The following RBSN variants were observed in gnomAD, a reference collection of about 807,000 sequenced individuals.
RBSN encodes the protein rabenosyn, RAB effector, also known as rabenosyn-5.
A neutral mutation model predicts 60.5 loss-of-function variants in RBSN; 34 were observed. That is an observed-to-expected ratio of 0.56 (90% CI 0.43 to 0.75). The LOEUF (loss-of-function observed/expected upper bound fraction) is 0.75. RBSN is among the 30% of genes least tolerant of loss of function. The pLI is 0.00. For synonymous variants in RBSN, 322 were observed against 366.9 expected, an observed-to-expected ratio of 0.88 and a Z score of 1.40; for missense variants, 845 against 986.8, an observed-to-expected ratio of 0.86 and a Z score of 1.92.
Position 15,082,419 on chromosome 3 carries a change from T to C in RBSN, c.788A>G (p.Glu263Gly), listed in dbSNP as rs912673375. 6.2e-7 allele frequency: 1 copy of C among 1,614,036 alleles called. No individual in the cohort carries two copies. Among genetic ancestry groups the C allele is most frequent in the Non-Finnish European group, 8.5e-7 (1 of 1,179,930 alleles). The change falls in exon 9 of 14, where the codon GAG becomes GGG. Residue 263 changes from glutamate (E) to glycine (G), a missense_variant. By Grantham distance (98) the Glu-to-Gly change is moderately conservative (BLOSUM62 -2). Transcript: ENST00000253699. The surrounding 1 kb of genome is among the most constrained non-coding windows in gnomAD (Gnocchi z 4.2). ...THCKDTLLKREQQIDEKEHTP... is the reference protein window; with the variant it reads ...THCKDTLLKRGQQIDEKEHTP... ...GTGCTCCTTCTCATCAATCTGCTGCTCTCTCTTGAGCAGCGTGTCCTTGCA... is the reference window on the plus strand; with the variant it reads ...GTGCTCCTTCTCATCAATCTGCTGCCCTCTCTTGAGCAGCGTGTCCTTGCA...
In RBSN at chr3:15,073,653, C is replaced by G. The variant is rs146245590; in HGVS notation, c.*129G>C. ...AGTGCGCAACACAAAACAGCAGATT[C>G]CTGCCCCTCACCTGTGTGCATCTGA... On this transcript the variant is annotated 3_prime_UTR_variant, in exon 14 of 14. Transcript: ENST00000253699. 2,275 of 958,910 alleles carry G rather than the reference C, an allele frequency of 2.4e-3. 11 individuals are homozygous for G. The highest frequency in any genetic ancestry group is 9.2e-4 in the Non-Finnish European group (599 of 653,912). 59.4% of individuals were successfully genotyped at this position (958,910 alleles called of 1,614,324 possible).
chr3:15,090,436 T>G lies in RBSN; in HGVS notation c.252A>C (p.Gly84=), dbSNP rs752500773. The G allele has an allele frequency of 1.2e-6, 2 of 1,614,210 alleles. No homozygotes were observed. Among genetic ancestry groups the G allele is most frequent in the Non-Finnish European group, 1.7e-6 (2 of 1,180,040 alleles). Residue 84 remains glycine, a synonymous_variant, in exon 5 of 14, where the codon GGA becomes GGC. Coordinates refer to ENST00000253699, the MANE Select transcript of RBSN (RefSeq NM_022340.4). ...GTTCCCACATGTAAGGATCAACCCC[T>G]CCATAGCTGAAAGACTCATATCCTT... is the stretch of plus-strand genomic sequence containing the variant. The part of the protein sequence containing the change: ...GTQGYESFSY[G]GVDPYMWEPQ...
intron 6 of RBSN, 93 bp from the exon 7 acceptor site, chr3:15,085,138 T>G: frequency 7.0e-7 from 1 of 1,427,972 alleles, no homozygotes; most frequent in African/African-American, 1.4e-5. Flanking sequence ...ATTAGCACAT[T>G]TGCATTCCTC....
chr3:15,097,876 T>G (rs1236963236), intron 2 of RBSN, among the ~76,000 whole-genome samples: 3 of 152,108 alleles, frequency 2.0e-5, no homozygotes, highest in Non-Finnish European at 2.9e-5. Flanking sequence ...ATTTTTTCCC[T>G]CTAGTTAAGA....
intron 5 of RBSN, among the ~76,000 whole-genome samples, chr3:15,087,195 T>C (rs2043366659): frequency 6.6e-6 from 1 of 152,156 alleles, no homozygotes; most frequent in Non-Finnish European, 1.5e-5. Flanking sequence ...CTCTCACTGA[T>C]TTTCAAGAAT....
intron 5 of RBSN, among the ~76,000 whole-genome samples, chr3:15,086,640 A>G (rs13318496): frequency 0.06 from 9,155 of 152,282 alleles, 940 homozygotes; most frequent in African/African-American, 0.21. Context: ...AATGTTAAAT[A>G]AACAGGGTGG....
Position 15,074,354 on chromosome 3 carries a change from G to C in RBSN, c.1783C>G (p.Gln595Glu). 1.2e-6 allele frequency: 2 copies of C among 1,614,156 alleles called. No individual in the cohort carries two copies. The highest frequency in any genetic ancestry group is 1.7e-6 in the Non-Finnish European group (2 of 1,180,032). ...APKTPSLSST[Q>E]PTRVWSGPPA... ...GGCCCAGACCACACTCTGGTGGGTTGAGTTGAGCTAAGTGAAGGGGTCTTG... is the reference window on the plus strand; with the variant it reads ...GGCCCAGACCACACTCTGGTGGGTTCAGTTGAGCTAAGTGAAGGGGTCTTG... Residue 595 changes from glutamine (Q) to glutamate (E), a missense_variant, in exon 14 of 14, where the codon CAA becomes GAA. Physicochemically the swap from Gln to Glu is conservative, Grantham distance 29 (BLOSUM62 2). Transcript: ENST00000253699. The surrounding 1 kb of genome is among the most constrained non-coding windows in gnomAD (Gnocchi z 6.4).
intron 5 of RBSN, 68 bp from the exon 6 acceptor site, chr3:15,086,029 G>A: frequency 7.9e-7 from 1 of 1,258,736 alleles, no homozygotes; most frequent in South Asian, 1.2e-5. Flanking sequence ...TCTCTACCTT[G>A]CCTCTTATCC....
Position 15,084,628 on chromosome 3 carries a change from T to G in RBSN, c.598+107A>C. The G allele has an allele frequency of 7.3e-7, 1 of 1,373,744 alleles. No homozygotes were observed. The highest frequency in any genetic ancestry group is 2.3e-5 in the East Asian group (1 of 43,096). The allele number at this position is 1,373,744 out of a possible 1,614,324, so 85.1% of individuals were successfully genotyped here. ...GCAACTCAATGAATGAAGATTCCCA[T>G]GAGCCATTAATTTAACAAAAAGGTT... is the stretch of plus-strand genomic sequence containing the variant. On this transcript the variant is annotated intron_variant, in intron 8 of 13. Coordinates refer to ENST00000253699, the MANE Select transcript of RBSN (RefSeq NM_022340.4). This position sits in a 1 kb window ranked among gnomAD's most constrained non-coding sequence, Gnocchi z 4.2.
chr3:15,089,478 C>CAAAAAAAAA (rs796324060), intron 5 of RBSN, among the ~76,000 whole-genome samples: 1 of 79,262 alleles, frequency 1.3e-5, no homozygotes, highest in Non-Finnish European at 2.5e-5. Context: ...AAAAAAAAAA[C>CAAAAAAAAA]AAAAAAAAAA....
Position 15,082,712 on chromosome 3 carries a change from T to C in RBSN, c.599-104A>G, listed in dbSNP as rs530392978. 31 of 1,481,818 alleles carry C rather than the reference T, an allele frequency of 2.1e-5. No individual in the cohort carries two copies. Among genetic ancestry groups the C allele is most frequent in the Non-Finnish European group, 2.6e-5 (29 of 1,101,694 alleles). The allele number at this position is 1,481,818 out of a possible 1,614,324, so 91.8% of individuals were successfully genotyped here. A position where few individuals can be genotyped will look rare whatever the true frequency, so the allele number is the denominator to read the frequency against. On this transcript the variant is annotated intron_variant, in intron 8 of 13. Transcript: ENST00000253699. This position sits in a 1 kb window ranked among gnomAD's most constrained non-coding sequence, Gnocchi z 4.2. ...CACAGGTGTTTGATTTGGAGAGTAATAAGATCAGGCTCCAGCTGTGGGCAC... is the reference window on the plus strand; with the variant it reads ...CACAGGTGTTTGATTTGGAGAGTAACAAGATCAGGCTCCAGCTGTGGGCAC...
chr3:15,083,061 G>A (rs1356904190), intron 8 of RBSN, among the ~76,000 whole-genome samples: 3 of 152,116 alleles, frequency 2.0e-5, no homozygotes, highest in African/African-American at 7.2e-5. Flanking sequence ...CCTGTGTACA[G>A]TTGCATGTAC....
chr3:15,085,055 A>T lies in RBSN; in HGVS notation c.391-10T>A, dbSNP rs1210633929. ...TGTCAAATGCAGTGAGCTGACCGGA[A>T]GAAAATAGTGCCAAATGAAATTAAC... On this transcript the variant is annotated splice_polypyrimidine_tract_variant and intron_variant, in intron 6 of 13. Transcript: ENST00000253699. 3 of 1,614,214 alleles carry T rather than the reference A, an allele frequency of 1.9e-6. No individual in the cohort carries two copies. The highest frequency in any genetic ancestry group is 8.5e-7 in the Non-Finnish European group (1 of 1,180,010).
chr3:15,078,246 C>G (rs2043103154), intron 10 of RBSN, 85 bp from the exon 11 acceptor site: 1 of 1,140,890 alleles, frequency 8.8e-7, no homozygotes, highest in Non-Finnish European at 1.3e-6. Context: ...AGGTGTAAGG[C>G]CTCACAAAGG....
In RBSN at chr3:15,074,135, C is replaced by T; in HGVS notation, c.2002G>A (p.Asp668Asn). 1 of 1,614,096 alleles carries T rather than the reference C, an allele frequency of 6.2e-7. No homozygotes were observed. Among genetic ancestry groups the T allele is most frequent in the Non-Finnish European group, 8.5e-7 (1 of 1,180,006 alleles). ...LKEYNPFEEE[D>N]EEEEAVAGNP... ...CCTGCCACTGCTTCCTCCTCCTCGT[C>T]CTCTTCCTCGAAAGGATTGTACTCT... The change falls in exon 14 of 14, where the codon GAC becomes AAC. Residue 668 changes from aspartate to asparagine, a missense_variant. Coordinates refer to ENST00000253699, the MANE Select transcript of RBSN (RefSeq NM_022340.4). The surrounding 1 kb of genome is among the most constrained non-coding windows in gnomAD (Gnocchi z 6.4).
intron 8 of RBSN, among the ~76,000 whole-genome samples, chr3:15,083,102 CTT>C (rs2043248626): frequency 6.6e-6 from 1 of 152,168 alleles, no homozygotes; most frequent in African/African-American, 2.4e-5. Context: ...ACCTATGACT[CTT>C]TGTGGGTACG....
At position 15,077,501 on chromosome 3, in the gene RBSN, T is replaced by A. The variant is rs551513284; in HGVS notation, c.999-337A>T. On this transcript the variant is annotated intron_variant, in intron 11 of 13. Coordinates refer to ENST00000253699, the MANE Select transcript of RBSN (RefSeq NM_022340.4). This position sits in a 1 kb window ranked among gnomAD's most constrained non-coding sequence, Gnocchi z 4.4. ...CTGCTGTTAGTGTCTTTATTCTTAA[T>A]AACTTTTGAACAGGGGACATGCATT... 6.6e-6 allele frequency among the ~76,000 whole-genome samples: 1 copy of A among 152,316 alleles called. No homozygotes were observed. The highest frequency in any genetic ancestry group is 2.1e-4 in the South Asian group (1 of 4,830).
At chr3:15,089,288 C>T (rs2043431247) in intron 5 of RBSN, among the ~76,000 whole-genome samples, 1 of 151,356 alleles carries the variant, frequency 6.6e-6, no homozygotes, top group Non-Finnish European at 1.5e-5. Flanking sequence ...CAACATAGGA[C>T]CCTGTTTCTA....
At chr3:15,090,375 G>C in intron 5 of RBSN, 24 bp downstream of exon 5, 11 of 1,611,120 alleles carry the variant, frequency 6.8e-6, no homozygotes, top group Non-Finnish European at 9.3e-6. Context: ...ACCACTTGCT[G>C]AATGAATAAA....
Sources: gnomAD v4.1 joint callset for allele counts (sites outside exome capture counted in the v4.1 genomes callset) on GRCh38, gnomAD v4.1.1 for gene constraint, Gnocchi (gnomAD v3.1) non-coding constraint, MANE v1.5 for transcripts, NCBI Gene and HGNC (gene_info 2026-07-23, HGNC 2026-07-21) for gene names.